Variants in LRP1B observed in about 807,000 individuals in gnomAD.
LRP1B encodes the protein LDL receptor related protein 1B, also known as low-density lipoprotein receptor-related protein 1B.
A neutral mutation model predicts 556.6 loss-of-function variants in LRP1B; 217 were observed. The observed-to-expected ratio is 0.39, with a 90% CI of 0.35 to 0.44. The LOEUF is 0.44. LRP1B is among the 20% of genes least tolerant of loss of function. LRP1B has a pLI of 1.00. For missense variants in LRP1B, 5,053 were observed against 5,620.8 expected, an observed-to-expected ratio of 0.90 and a Z score of 3.23; for synonymous variants, 2,047 against 1,865.8, an observed-to-expected ratio of 1.10 and a Z score of -2.50.
chr2:141,530,416 C>A (rs995910597), intron 2 of LRP1B, among the ~76,000 whole-genome samples: 3 of 151,958 alleles, frequency 2.0e-5, no homozygotes, highest in Non-Finnish European at 4.4e-5. Context: ...ATCTCTGATC[C>A]CTGGGTAATA....
At chr2:141,504,143 T>C (rs11898515) in intron 2 of LRP1B, among the ~76,000 whole-genome samples, 2,954 of 152,228 alleles carry the variant, frequency 0.019, 95 homozygotes, top group African/African-American at 0.068. Flanking sequence ...CTCGTATTTT[T>C]TGTAGATGAA....
intron 18 of LRP1B, among the ~76,000 whole-genome samples, chr2:140,974,488 T>A (rs527354631): frequency 6.6e-6 from 1 of 152,326 alleles, no homozygotes; most frequent in South Asian, 2.1e-4. Flanking sequence ...TTATTTATAC[T>A]GTGAAAACTA....
chr2:141,561,256 T>C (rs1291703014), intron 2 of LRP1B, among the ~76,000 whole-genome samples: 1 of 151,936 alleles, frequency 6.6e-6, no homozygotes, highest in South Asian at 2.1e-4. Context: ...TGAAACTCCA[T>C]ATAAAATAAA....
At chr2:141,142,354 G>C (rs1055339488) in intron 7 of LRP1B, among the ~76,000 whole-genome samples, 1 of 152,116 alleles carries the variant, frequency 6.6e-6, no homozygotes, top group Non-Finnish European at 1.5e-5. Context: ...TTTAGTTCTT[G>C]AGCCCCTATA....
intron 3 of LRP1B, among the ~76,000 whole-genome samples, chr2:141,340,590 A>G (rs991630529): frequency 6.6e-6 from 1 of 152,184 alleles, no homozygotes; most frequent in Non-Finnish European, 1.5e-5. Flanking sequence ...AAAAGGTTTC[A>G]TGTAGTACTT....
At chr2:141,743,953 T>TATTG (rs1693816490) in intron 2 of LRP1B, among the ~76,000 whole-genome samples, 2 of 9,534 alleles carry the variant, frequency 2.1e-4, no homozygotes, top group Non-Finnish European at 2.5e-3. Flanking sequence ...TAAACCAACT[T>TATTG]TTTGTTTGAT....
At chr2:140,824,769 C>T (rs954841889) in intron 31 of LRP1B, among the ~76,000 whole-genome samples, 1 of 152,102 alleles carries the variant, frequency 6.6e-6, no homozygotes, top group Non-Finnish European at 1.5e-5. Flanking sequence ...CAAGTACGCA[C>T]TTCCAGTGGA....
At chr2:140,857,773 T>G (rs1692662776) in intron 27 of LRP1B, among the ~76,000 whole-genome samples, 1 of 152,138 alleles carries the variant, frequency 6.6e-6, no homozygotes, top group Admixed American at 6.6e-5. Context: ...TCTATCTGTA[T>G]GCAGCTTTTG....
intron 1 of LRP1B, among the ~76,000 whole-genome samples, chr2:141,888,422 T>C (rs1699188181): frequency 6.6e-6 from 1 of 152,126 alleles, no homozygotes. Context: ...ACAAATACCA[T>C]GCAGCAGTTT....
intron 1 of LRP1B, among the ~76,000 whole-genome samples, chr2:141,902,072 T>A (rs200836632): frequency 6.6e-6 from 1 of 151,378 alleles, no homozygotes; most frequent in South Asian, 2.1e-4. Flanking sequence ...AACAAAAAAT[T>A]ATAGTTAAAA....
intron 2 of LRP1B, among the ~76,000 whole-genome samples, chr2:141,634,675 A>G (rs1412959880): frequency 6.6e-6 from 1 of 152,016 alleles, no homozygotes; most frequent in Non-Finnish European, 1.5e-5. Flanking sequence ...GTTATCATAT[A>G]ACATATACAA....
chr2:140,591,102 T>C (rs1348250737), intron 43 of LRP1B, among the ~76,000 whole-genome samples: 1 of 152,226 alleles, frequency 6.6e-6, no homozygotes, highest in Non-Finnish European at 1.5e-5. Flanking sequence ...TAACTATTCA[T>C]GCCCAAGAAT....
intron 10 of LRP1B, among the ~76,000 whole-genome samples, chr2:141,054,261 A>G (rs2105454000): frequency 6.6e-6 from 1 of 152,090 alleles, no homozygotes; most frequent in South Asian, 2.1e-4. Flanking sequence ...ACAGAAATAA[A>G]AAGCTGTCAC....
intron 23 of LRP1B, among the ~76,000 whole-genome samples, chr2:140,902,029 A>G (rs1694120122): frequency 6.6e-6 from 1 of 152,168 alleles, no homozygotes; most frequent in South Asian, 2.1e-4. Flanking sequence ...GAATATATCT[A>G]TTACTTCTAT....
At chr2:141,390,729 TAA>T (rs1474961059) in intron 3 of LRP1B, among the ~76,000 whole-genome samples, 1 of 152,014 alleles carries the variant, frequency 6.6e-6, no homozygotes, top group African/African-American at 2.4e-5. Context: ...TCAGAAGAGG[TAA>T]AGTCAGAGAG....
chr2:140,240,292 A>G (rs1207948140), intron 87 of LRP1B, among the ~76,000 whole-genome samples: 1 of 150,826 alleles, frequency 6.6e-6, no homozygotes, highest in Admixed American at 6.6e-5. Context: ...TTTCTTCCAT[A>G]TATGAGAAAG....
At chr2:140,670,467 T>C (rs1187223812) in intron 41 of LRP1B, among the ~76,000 whole-genome samples, 1 of 152,108 alleles carries the variant, frequency 6.6e-6, no homozygotes, top group African/African-American at 2.4e-5. Context: ...CTTGTATAAA[T>C]AGAGATAATG....
At chr2:141,741,474 C>G (rs1028023111) in intron 2 of LRP1B, among the ~76,000 whole-genome samples, 2 of 150,172 alleles carry the variant, frequency 1.3e-5, no homozygotes, top group African/African-American at 4.9e-5. Context: ...TATTGCCTGT[C>G]TTTTGCATAA....
intron 23 of LRP1B, among the ~76,000 whole-genome samples, chr2:140,889,585 C>T (rs1454426367): frequency 6.6e-6 from 1 of 152,182 alleles, no homozygotes; most frequent in Non-Finnish European, 1.5e-5. Flanking sequence ...ACGTAAGCCA[C>T]CTGGCCCAGC....
Sources: allele counts gnomAD v4.1 joint callset (sites outside exome capture counted in the v4.1 genomes callset), GRCh38; gene constraint gnomAD v4.1.1; transcripts MANE v1.5; gene names NCBI Gene and HGNC (gene_info 2026-07-23, HGNC 2026-07-21).